Variants in P3H2 observed in about 807,000 individuals in gnomAD.
P3H2 encodes prolyl 3-hydroxylase 2, also known as leprecan-like 1.
In P3H2, 80 loss-of-function variants were observed where a neutral mutation model predicts 87.0. The ratio of observed to expected loss-of-function variants is 0.92; its 90% confidence interval spans 0.77 to 1.11. P3H2 has a LOEUF of 1.11. Among genes scored for constraint, P3H2 ranks in the 50% least tolerant of loss-of-function variants. P3H2 has a pLI of 0.00. For synonymous variants in P3H2, 367 were observed against 359.3 expected, an observed-to-expected ratio of 1.02 and a Z score of -0.24; for missense variants, 1,001 against 923.9, an observed-to-expected ratio of 1.08 and a Z score of -1.08.
intron 13 of P3H2, chr3:189,968,987 C>T: frequency 5.1e-6 from 1 of 195,034 alleles, no homozygotes; most frequent in Non-Finnish European, 1.0e-5. Flanking sequence ...TCTGTAGATT[C>T]TAGATATTAG....
At chr3:190,012,207 G>GGTGTGTGTGTGTGTGTGTGT (rs3062120) in intron 1 of P3H2, among the ~76,000 whole-genome samples, 53 of 145,702 alleles carry the variant, frequency 3.6e-4, no homozygotes, top group East Asian at 2.1e-3. Flanking sequence ...TGTAGGTAAA[G>GGTGTGTGTGTGTGTGTGTGT]GTGTGTGTGT....
chr3:189,979,733 G>A (rs1038915381), intron 8 of P3H2, among the ~76,000 whole-genome samples: 4 of 152,018 alleles, frequency 2.6e-5, no homozygotes, highest in Admixed American at 6.6e-5. Context: ...AGCCCAAGGC[G>A]GGTGGATCAA....
At chr3:190,121,861 G>A (rs1009634383), upstream of P3H2, among the ~76,000 whole-genome samples, 1 of 152,156 alleles carries the variant, frequency 6.6e-6, no homozygotes, top group African/African-American at 2.4e-5. Flanking sequence ...GGAGGCCAAG[G>A]CGGGTGGATC....
chr3:190,062,284 GT>G (rs1356495459), intron 1 of P3H2, among the ~76,000 whole-genome samples: 1 of 152,000 alleles, frequency 6.6e-6, no homozygotes, highest in African/African-American at 2.4e-5. Flanking sequence ...ATAATTACCT[GT>G]CTTTTGGCAT....
intron 1 of P3H2, among the ~76,000 whole-genome samples, chr3:190,031,624 G>A (rs1267614398): frequency 7.7e-6 from 1 of 129,872 alleles, no homozygotes; most frequent in Admixed American, 8.7e-5. Flanking sequence ...GTGAGAAAGC[G>A]AGACTCCATG....
In P3H2 at chr3:190,011,950, T is replaced by C. The variant is rs76271086; in HGVS notation, c.481-16508A>G. On this transcript the variant is annotated intron_variant, in intron 1 of 14. Coordinates refer to ENST00000319332, the MANE Select transcript of P3H2 (RefSeq NM_018192.4). ...ACATGGAGAAATGAGACTTAATAATTGACTACTTCTAATTTTTTTCTTGTT... is the reference window on the plus strand; with the variant it reads ...ACATGGAGAAATGAGACTTAATAATCGACTACTTCTAATTTTTTTCTTGTT... 1.3e-3 allele frequency among the ~76,000 whole-genome samples: 201 copies of C among 152,320 alleles called. 2 individuals are homozygous for C. Among genetic ancestry groups the C allele is most frequent in the Non-Finnish European group, 2.3e-3 (155 of 68,024 alleles).
chr3:190,097,579 G>A (rs144973060), intron 1 of P3H2, among the ~76,000 whole-genome samples: 1 of 151,582 alleles, frequency 6.6e-6, no homozygotes, highest in East Asian at 1.9e-4. Context: ...TCTGCCTCAG[G>A]TATCATATCT....
chr3:190,066,158 T>TATATATACACAC (rs1256956930), intron 1 of P3H2, among the ~76,000 whole-genome samples: 3 of 134,598 alleles, frequency 2.2e-5, no homozygotes, highest in African/African-American at 9.3e-5. Context: ...TATATATATA[T>TATATATACACAC]ACACACACAC....
At chr3:190,111,160 C>T (rs1712055106) in intron 1 of P3H2, among the ~76,000 whole-genome samples, 1 of 152,136 alleles carries the variant, frequency 6.6e-6, no homozygotes, top group South Asian at 2.1e-4. Context: ...GAGTTTTCCC[C>T]AGAAGTAGGA....
At chr3:190,014,982 AAATG>A (rs1724706159) in intron 1 of P3H2, among the ~76,000 whole-genome samples, 1 of 152,100 alleles carries the variant, frequency 6.6e-6, no homozygotes, top group Non-Finnish European at 1.5e-5. Context: ...TTCATCTGTA[AAATG>A]AAGGGTTGGG....
chr3:190,066,763 C>T (rs1207549754), intron 1 of P3H2, among the ~76,000 whole-genome samples: 3 of 152,072 alleles, frequency 2.0e-5, no homozygotes, highest in African/African-American at 4.8e-5. Flanking sequence ...CTATGTCATT[C>T]GTCAACAATC....
At chr3:190,071,310 C>T (rs1395732479) in intron 1 of P3H2, among the ~76,000 whole-genome samples, 2 of 152,104 alleles carry the variant, frequency 1.3e-5, no homozygotes, top group African/African-American at 4.8e-5. Context: ...CAATGCCAGT[C>T]CTTAAAAAGA....
In P3H2 at chr3:189,984,602, C is replaced by T. The variant is rs773116869; in HGVS notation, c.1189-12G>A. 1.0e-5 allele frequency: 15 copies of T among 1,502,394 alleles called. No homozygotes were observed. Among genetic ancestry groups the T allele is most frequent in the Middle Eastern group, 3.4e-4 (2 of 5,900 alleles). 93.1% of individuals were successfully genotyped at this position (1,502,394 alleles called of 1,614,324 possible). On this transcript the variant is annotated splice_polypyrimidine_tract_variant and intron_variant, in intron 6 of 14. Transcript: ENST00000319332. ...CTGATCCAATAATTCTGTTTTGAAT[C>T]GAGTAAAAAAAAAAATGCAGTAATT...
At position 190,109,020 on chromosome 3, in the gene P3H2, T is replaced by C. The variant is rs564506761; in HGVS notation, c.480+11232A>G. On this transcript the variant is annotated intron_variant, in intron 1 of 14. Transcript: ENST00000319332. ...TCAATAGAATATGGCCTTACGGCAA[T>C]ACGGAGTGGAAGAAAGACAAACATC... is the stretch of plus-strand genomic sequence containing the variant. 1.1e-4 allele frequency among the ~76,000 whole-genome samples: 16 copies of C among 152,346 alleles called. 2 individuals carry two copies. In the South Asian group the frequency reaches 3.1e-3, roughly 30 times the overall value.
intron 1 of P3H2, among the ~76,000 whole-genome samples, chr3:190,102,893 C>T (rs990326557): frequency 2.0e-5 from 3 of 152,190 alleles, no homozygotes; most frequent in African/African-American, 7.2e-5. Context: ...CTCCAATTTA[C>T]AGTAACCACC....
chr3:190,084,820 C>T (rs1284510954), intron 1 of P3H2, among the ~76,000 whole-genome samples: 1 of 152,036 alleles, frequency 6.6e-6, no homozygotes, highest in Non-Finnish European at 1.5e-5. Flanking sequence ...TCTCTACAAC[C>T]TGTGGAACAG....
At chr3:190,072,412 C>T (rs1013160271) in intron 1 of P3H2, among the ~76,000 whole-genome samples, 2 of 152,132 alleles carry the variant, frequency 1.3e-5, no homozygotes, top group African/African-American at 4.8e-5. Context: ...AGGAATCAGA[C>T]AATCTCGTCC....
At chr3:190,093,528 G>A (rs994682002) in intron 1 of P3H2, among the ~76,000 whole-genome samples, 6 of 152,268 alleles carry the variant, frequency 3.9e-5, no homozygotes, top group African/African-American at 1.4e-4. Context: ...GTGTCCTCAC[G>A]GTTGTTGAAC....
chr3:190,055,589 AATTACATTTCAAGAGTC>A (rs1726129188), intron 1 of P3H2, among the ~76,000 whole-genome samples: 1 of 151,664 alleles, frequency 6.6e-6, no homozygotes, highest in East Asian at 1.9e-4. Context: ...TTAGAAATGT[AATTACATTTCAAGAGTC>A]AGGCAATGGC....
Sources: allele counts gnomAD v4.1 joint callset (sites outside exome capture counted in the v4.1 genomes callset), GRCh38; gene constraint gnomAD v4.1.1; transcripts MANE v1.5; gene names NCBI Gene and HGNC (gene_info 2026-07-23, HGNC 2026-07-21).